The following NPIPA9 variants were observed in gnomAD, a reference collection of about 807,000 sequenced individuals.
NPIPA9 encodes the protein nuclear pore complex interacting protein family member A9.
Position 18,375,106 on chromosome 16 carries a change from C to G in NPIPA9, c.-307-37G>C. On this transcript the variant is annotated intron_variant, in intron 1 of 9. Coordinates refer to ENST00000427999, the Ensembl canonical transcript of NPIPA9. ...GGGCAGTGGTCAGCGGGCGGCAGCTCAGACCTGCTCAGGACAGGGATGAGA... is the reference window on the plus strand; with the variant it reads ...GGGCAGTGGTCAGCGGGCGGCAGCTGAGACCTGCTCAGGACAGGGATGAGA... The G allele has an allele frequency of 2.9e-6, 2 of 686,200 alleles. 1 individual carries two copies. The highest frequency in any genetic ancestry group is 4.7e-6 in the Non-Finnish European group (2 of 425,718). The allele number at this position is 686,200 out of a possible 1,614,324, so 42.5% of individuals were successfully genotyped here.
chr16:18,375,197 T>C, intron 1 of NPIPA9, 128 bp from the exon 2 acceptor site: 6 of 523,618 alleles, frequency 1.1e-5, no homozygotes, highest in South Asian at 2.1e-5. Context: ...GAATGCTAGA[T>C]ATATGGGACA....
intron 1 of NPIPA9, among the ~76,000 whole-genome samples, chr16:18,375,454 C>T (rs1305483036): frequency 3.0e-5 from 4 of 134,630 alleles, no homozygotes; most frequent in South Asian, 2.6e-4. Context: ...GTGCCTGCCA[C>T]GATGCCCAGC....
At chr16:18,369,989 T>G (rs1292181640) in intron 3 of NPIPA9, among the ~76,000 whole-genome samples, 1 of 144,782 alleles carries the variant, frequency 6.9e-6, no homozygotes, top group Non-Finnish European at 1.5e-5. Flanking sequence ...CGAATTTTAG[T>G]TCTTAAAAAG....
chr16:18,371,451 TA>T (rs778066038), intron 3 of NPIPA9, among the ~76,000 whole-genome samples: 4,953 of 56,406 alleles, frequency 0.088, 63 homozygotes, highest in African/African-American at 0.16. Flanking sequence ...GACTCTGTCT[TA>T]AAAAAAAAAA....
intron 3 of NPIPA9, among the ~76,000 whole-genome samples, chr16:18,371,554 G>A (rs1177697974): frequency 8.7e-6 from 1 of 114,776 alleles, no homozygotes; most frequent in Admixed American, 9.6e-5. Flanking sequence ...AGACAAGAGT[G>A]CAGCGGGGCC....
intron 3 of NPIPA9, among the ~76,000 whole-genome samples, chr16:18,369,979 C>T (rs1348148994): frequency 4.9e-5 from 7 of 144,114 alleles, no homozygotes; most frequent in South Asian, 2.1e-4. Context: ...AAATAAGTAT[C>T]GAATTTTAGT....
intron 2 of NPIPA9, chr16:18,374,442 A>G (rs1050277148): frequency 3.2e-6 from 1 of 316,420 alleles, no homozygotes; most frequent in Non-Finnish European, 5.6e-6. Flanking sequence ...CTGTCTCAAA[A>G]AAAAAAAAAA....
At position 18,375,078 on chromosome 16, in the gene NPIPA9, C is replaced by G. The variant is rs1489350555; in HGVS notation, c.-307-9G>C. Reference sequence around the variant, plus strand: ...CTCGGGCTCCCAGCCACCTGCAGGACAAGGGCAGTGGTCAGCGGGCGGCAG... The same window carrying G: ...CTCGGGCTCCCAGCCACCTGCAGGAGAAGGGCAGTGGTCAGCGGGCGGCAG... On this transcript the variant is annotated splice_polypyrimidine_tract_variant and intron_variant, in intron 1 of 9. Transcript: ENST00000427999. 8.2e-6 allele frequency: 6 copies of G among 731,140 alleles called. 1 individual carries two copies. In the East Asian group the frequency reaches 1.9e-4, roughly 23 times the overall value. 45.3% of individuals were successfully genotyped at this position (731,140 alleles called of 1,614,324 possible). A position where few individuals can be genotyped will look rare whatever the true frequency, so the allele number is the denominator to read the frequency against.
At chr16:18,365,029 C>T (rs1365128542) in intron 4 of NPIPA9, among the ~76,000 whole-genome samples, 3 of 124,378 alleles carry the variant, frequency 2.4e-5, no homozygotes, top group Non-Finnish European at 5.0e-5. Flanking sequence ...AATCCCAGCA[C>T]TTTGGGAGGC....
chr16:18,370,528 T>C (rs1270109599), intron 3 of NPIPA9, among the ~76,000 whole-genome samples: 9 of 78,422 alleles, frequency 1.1e-4, no homozygotes, highest in Non-Finnish European at 1.6e-4. Context: ...AGATGGTGAA[T>C]TAAACAGAGA....
intron 4 of NPIPA9, among the ~76,000 whole-genome samples, chr16:18,365,329 C>A (rs1311820901): frequency 1.6e-5 from 1 of 61,720 alleles, no homozygotes; most frequent in African/African-American, 1.3e-4. Context: ...GCCTGTAATC[C>A]CAGCACTTTG....
intron 3 of NPIPA9, among the ~76,000 whole-genome samples, chr16:18,370,699 C>T (rs1489667407): frequency 3.8e-3 from 391 of 103,150 alleles, no homozygotes; most frequent in African/African-American, 0.013. Context: ...TCTGTATACG[C>T]GAAATTCCAG....
chr16:18,364,969 AACAC>A lies in NPIPA9; in HGVS notation c.193-339_193-336del, dbSNP rs1555463356. Among the ~76,000 whole-genome samples the A allele has an allele frequency of 4.3e-3, 516 of 119,468 alleles. 8 individuals carry two copies. Among genetic ancestry groups the A allele is most frequent in the East Asian group, 0.01 (45 of 4,456 alleles). The allele number at this position is 119,468 out of a possible 152,430, so 78.4% of individuals were successfully genotyped here. ...CACACACACACACACACACACACACAACACAACACACAAGAATGACATGAGGCTG... is the reference window on the plus strand; with the variant it reads ...CACACACACACACACACACACACACAAACACACAAGAATGACATGAGGCTG... On this transcript the variant is annotated intron_variant, in intron 4 of 9. Transcript: ENST00000427999.
At chr16:18,374,916 T>C in exon 2 of NPIPA9, 1 of 540,682 alleles carries the variant, frequency 1.8e-6, no homozygotes, top group Non-Finnish European at 3.2e-6. Context: ...GAGTCCAAGC[T>C]GCGCCAAGGC....
At chr16:18,370,057 C>G (rs1312860416) in intron 3 of NPIPA9, among the ~76,000 whole-genome samples, 60 of 135,190 alleles carry the variant, frequency 4.4e-4, no homozygotes, top group African/African-American at 1.6e-3. Context: ...TTTGGGAAGC[C>G]GAGGTGGGTG....
At chr16:18,370,287 C>T (rs1483687463) in intron 3 of NPIPA9, among the ~76,000 whole-genome samples, 2 of 123,086 alleles carry the variant, frequency 1.6e-5, no homozygotes, top group African/African-American at 3.0e-5. Flanking sequence ...GAGACTCTGT[C>T]TCAAAAAAAA....
In NPIPA9 at chr16:18,365,377, G is replaced by C. The variant is rs558632431; in HGVS notation, c.193-743C>G. On this transcript the variant is annotated intron_variant, in intron 4 of 9. Coordinates refer to ENST00000427999, the Ensembl canonical transcript of NPIPA9. ...GGGTGAATCACAAGGTCAAGAGATG[G>C]AGATCATCCTGGGCAACATGGTGAA... is the stretch of plus-strand genomic sequence containing the variant. Among the ~76,000 whole-genome samples, 64 of 38,860 alleles carry C rather than the reference G, an allele frequency of 1.6e-3. 3 individuals are homozygous for C. The highest frequency in any genetic ancestry group is 0.012 in the East Asian group (35 of 2,930). The allele number at this position is 38,860 out of a possible 152,430, so 25.5% of individuals were successfully genotyped here. A position where few individuals can be genotyped will look rare whatever the true frequency, so the allele number is the denominator to read the frequency against.
intron 4 of NPIPA9, among the ~76,000 whole-genome samples, chr16:18,364,969 A>ACACACGCACAC (rs58690022): frequency 8.4e-5 from 10 of 119,512 alleles, no homozygotes; most frequent in South Asian, 2.5e-4. Flanking sequence ...ACACACACAC[A>ACACACGCACAC]ACACAACACA....
At chr16:18,365,002 T>G (rs1360514880) in intron 4 of NPIPA9, among the ~76,000 whole-genome samples, 62 of 132,606 alleles carry the variant, frequency 4.7e-4, no homozygotes, top group Admixed American at 6.5e-4. Context: ...GAGGCTGGCA[T>G]GGTGGCTCAC....
Sources: allele counts gnomAD v4.1 joint callset (sites outside exome capture counted in the v4.1 genomes callset), GRCh38; gene constraint gnomAD v4.1.1; transcripts MANE v1.5; gene names NCBI Gene and HGNC (gene_info 2026-07-23, HGNC 2026-07-21).